Variants in PIK3CG observed in about 807,000 individuals in gnomAD.
PIK3CG encodes phosphatidylinositol-4,5-bisphosphate 3-kinase catalytic subunit gamma, also known as phosphatidylinositol 4,5-bisphosphate 3-kinase catalytic subunit gamma isoform.
PIK3CG carries 55 observed loss-of-function variants against 102.3 expected under a neutral mutation model. The observed-to-expected ratio is 0.54, with a 90% CI of 0.43 to 0.67. The LOEUF is 0.67. Among genes scored for constraint, PIK3CG ranks in the 30% least tolerant of loss-of-function variants. The probability of loss-of-function intolerance (pLI) is 0.00; values close to 1 mark genes in which losing one functional copy is unlikely to be tolerated. For synonymous variants in PIK3CG, 552 were observed against 540.0 expected (o/e 1.02, Z -0.31); for missense variants, 1,258 against 1,391.8 (o/e 0.90, Z 1.53).
At position 106,868,771 on chromosome 7, in the gene PIK3CG, T is replaced by G. The variant is rs1369636691; in HGVS notation, c.1210T>G (p.Phe404Val). Residue 404 changes from phenylalanine to valine, a missense_variant, in exon 2 of 11, where the codon TTC becomes GTC. This residue lies in a region of PIK3CG where 832 missense variants were observed against 787.5 expected (regional missense o/e 1.06). Coordinates refer to ENST00000496166, the MANE Select transcript of PIK3CG (RefSeq NM_001282426.2). The surrounding 1 kb of genome is among the most constrained non-coding windows in gnomAD (Gnocchi z 6.2). Reference protein sequence around the residue: ...LCQRRTSPKPFTEEVLWNVWL... With the variant: ...LCQRRTSPKPVTEEVLWNVWL... ...CCAAAGGAGAACCAGCCCCAAACCCTTCACAGAGGAGGTGCTGTGGAATGT... is the reference window on the plus strand; with the variant it reads ...CCAAAGGAGAACCAGCCCCAAACCCGTCACAGAGGAGGTGCTGTGGAATGT... 5 of 1,614,088 alleles carry G rather than the reference T, an allele frequency of 3.1e-6. No homozygotes were observed. The African/African-American group carries it at 6.7e-5, about 22-fold the overall frequency.
At position 106,877,537 on chromosome 7, in the gene PIK3CG, A is replaced by G. The variant is rs1470177675; in HGVS notation, c.2392-1982A>G. On this transcript the variant is annotated intron_variant, in intron 5 of 10. Transcript: ENST00000496166. This position sits in a 1 kb window ranked among gnomAD's most constrained non-coding sequence, Gnocchi z 4.5. ...ATCCAATTTGAGTTAATTTTTGTGT[A>G]CAGTGTGAGGTGAAGGTCAGAGTTC... Among the ~76,000 whole-genome samples the G allele has an allele frequency of 6.6e-6, 1 of 152,240 alleles. No individual in the cohort carries two copies. The highest frequency in any genetic ancestry group is 1.5e-5 in the Non-Finnish European group (1 of 68,038).
At chr7:106,886,007 C>A (rs965514641) in intron 9 of PIK3CG, 128 bp from the exon 10 acceptor site, 70 of 809,032 alleles carry the variant, frequency 8.7e-5, no homozygotes, top group Non-Finnish European at 1.1e-4. Flanking sequence ...AAAAATATCA[C>A]AAACTGACAA....
In PIK3CG at chr7:106,905,686, G is replaced by T. The variant is rs766305167; in HGVS notation, c.*299G>T. 5.7e-6 allele frequency: 2 copies of T among 351,626 alleles called. No individual in the cohort carries two copies. The highest frequency in any genetic ancestry group is 6.2e-5 in the South Asian group (1 of 16,016). 21.8% of individuals were successfully genotyped at this position (351,626 alleles called of 1,614,324 possible). On this transcript the variant is annotated 3_prime_UTR_variant, in exon 11 of 11. Coordinates refer to ENST00000496166, the MANE Select transcript of PIK3CG (RefSeq NM_001282426.2). The surrounding 1 kb of genome is among the most constrained non-coding windows in gnomAD (Gnocchi z 5.6). ...ACTTCCTTATTGTCCCTGATATTTTGACTATCTTACTATTGAGTGCTTCTG... is the reference window on the plus strand; with the variant it reads ...ACTTCCTTATTGTCCCTGATATTTTTACTATCTTACTATTGAGTGCTTCTG...
Position 106,879,122 on chromosome 7 carries a change from G to A in PIK3CG, c.2392-397G>A, listed in dbSNP as rs1438707477. On this transcript the variant is annotated intron_variant, in intron 5 of 10. Transcript: ENST00000496166. This position sits in a 1 kb window ranked among gnomAD's most constrained non-coding sequence, Gnocchi z 4.9. ...CAATAATAGTTTTTTTGACATTGTG[G>A]TAGCATTAGAATTCTTTTTTCAAAT... Among the ~76,000 whole-genome samples, 3 of 152,154 alleles carry A rather than the reference G, an allele frequency of 2.0e-5. No individual in the cohort carries two copies. The highest frequency in any genetic ancestry group is 2.9e-5 in the Non-Finnish European group (2 of 68,026).
chr7:106,904,200 T>C (rs1402091048), intron 10 of PIK3CG, among the ~76,000 whole-genome samples: 2 of 152,212 alleles, frequency 1.3e-5, no homozygotes, highest in Admixed American at 6.5e-5. Flanking sequence ...AAAATAGATG[T>C]TAATGCAGTA....
At position 106,872,070 on chromosome 7, in the gene PIK3CG, T is replaced by C. The variant is rs1194061288; in HGVS notation, c.1996-467T>C. 6.6e-6 allele frequency among the ~76,000 whole-genome samples: 1 copy of C among 152,208 alleles called. No homozygotes were observed. Among genetic ancestry groups the C allele is most frequent in the African/African-American group, 2.4e-5 (1 of 41,444 alleles). Reference sequence around the variant, plus strand: ...GCCGAAAAGGGAAGCTATAGGGCTTTTAGGATCTTTCCATCTAACAAATAT... The same window carrying C: ...GCCGAAAAGGGAAGCTATAGGGCTTCTAGGATCTTTCCATCTAACAAATAT... On this transcript the variant is annotated intron_variant, in intron 2 of 10. Coordinates refer to ENST00000496166, the MANE Select transcript of PIK3CG (RefSeq NM_001282426.2). This position sits in a 1 kb window ranked among gnomAD's most constrained non-coding sequence, Gnocchi z 5.3.
Position 106,879,535 on chromosome 7 carries a change from T to C in PIK3CG, c.2408T>C (p.Val803Ala). ...AGALAIEKCK[V>A]MASKKKPLWL... ...TCCTTACAGATTGAAAAATGTAAAG[T>C]AATGGCCTCCAAGAAAAAACCACTA... Residue 803 changes from valine (V) to alanine (A), a missense_variant, in exon 6 of 11, where the codon GTA becomes GCA. By Grantham distance (64) the Val-to-Ala change is moderately conservative. Transcript: ENST00000496166. The surrounding 1 kb of genome is among the most constrained non-coding windows in gnomAD (Gnocchi z 4.9). 1 of 1,613,594 alleles carries C rather than the reference T, an allele frequency of 6.2e-7. No individual in the cohort carries two copies. The highest frequency in any genetic ancestry group is 8.5e-7 in the Non-Finnish European group (1 of 1,179,580).
At chr7:106,887,865 A>G (rs1204132757) in intron 10 of PIK3CG, among the ~76,000 whole-genome samples, 1 of 151,322 alleles carries the variant, frequency 6.6e-6, no homozygotes, top group Non-Finnish European at 1.5e-5. Context: ...TCGGACAAAC[A>G]GAGCAGCAAT....
intron 6 of PIK3CG, among the ~76,000 whole-genome samples, chr7:106,881,133 A>G (rs1377324909): frequency 6.6e-6 from 1 of 152,144 alleles, no homozygotes; most frequent in Non-Finnish European, 1.5e-5. Context: ...AATGATCAAG[A>G]TTGTGAAAGA....
intron 10 of PIK3CG, among the ~76,000 whole-genome samples, chr7:106,898,592 C>G (rs1791465491): frequency 1.3e-5 from 2 of 152,198 alleles, no homozygotes; most frequent in South Asian, 4.1e-4. Context: ...CAATCTTCTG[C>G]ATATGGCTAG....
In PIK3CG at chr7:106,902,802, TTTAATA is replaced by T. The variant is rs1791595141; in HGVS notation, c.3031-2303_3031-2298del. 6.6e-6 allele frequency among the ~76,000 whole-genome samples: 1 copy of T among 152,124 alleles called. No individual in the cohort carries two copies. Among genetic ancestry groups the T allele is most frequent in the African/African-American group, 2.4e-5 (1 of 41,442 alleles). On this transcript the variant is annotated intron_variant, in intron 10 of 10. Transcript: ENST00000496166. The surrounding 1 kb of genome is among the most constrained non-coding windows in gnomAD (Gnocchi z 4.3). ...CATTTTCTTTTGTCATTAAGCCACT[TTTAATA>T]TTATGTATAGCTTTTTTTCTCTCAA...
At chr7:106,886,015 C>A in intron 9 of PIK3CG, 120 bp from the exon 10 acceptor site, 1 of 866,994 alleles carries the variant, frequency 1.2e-6, no homozygotes, top group Non-Finnish European at 1.8e-6. Flanking sequence ...CACAAACTGA[C>A]AAACATTGTA....
At chr7:106,901,005 G>A (rs971271570) in intron 10 of PIK3CG, among the ~76,000 whole-genome samples, 1 of 152,004 alleles carries the variant, frequency 6.6e-6, no homozygotes, top group Non-Finnish European at 1.5e-5. Context: ...CCTTCATTTC[G>A]ACCTTGGAAA....
At position 106,893,980 on chromosome 7, in the gene PIK3CG, G is replaced by A. The variant is rs189082897; in HGVS notation, c.3030+7688G>A. Among the ~76,000 whole-genome samples, 22 of 152,200 alleles carry A rather than the reference G, an allele frequency of 1.4e-4. No individual in the cohort carries two copies. Among genetic ancestry groups the A allele is most frequent in the Admixed American group, 3.9e-4 (6 of 15,274 alleles). On this transcript the variant is annotated intron_variant, in intron 10 of 10. Transcript: ENST00000496166. This position sits in a 1 kb window ranked among gnomAD's most constrained non-coding sequence, Gnocchi z 4.4. The stretch of plus-strand genomic sequence containing the variant: ...CTTGTGTATCTAAACACATCTGAAC[G>A]GAAAAGGAACAGTAAAAATATGGAA...
chr7:106,873,767 C>T (rs943611536), intron 4 of PIK3CG, among the ~76,000 whole-genome samples: 3 of 151,806 alleles, frequency 2.0e-5, no homozygotes, highest in Admixed American at 6.6e-5. Context: ...CACACACACA[C>T]CACCTTCTCT....
At chr7:106,876,269 T>A (rs149608211) in intron 5 of PIK3CG, among the ~76,000 whole-genome samples, 110 of 152,272 alleles carry the variant, frequency 7.2e-4, no homozygotes, top group African/African-American at 2.6e-3. Flanking sequence ...GGTATCTCAC[T>A]GTTGTTTTTA....
intron 5 of PIK3CG, among the ~76,000 whole-genome samples, chr7:106,875,771 T>TC (rs999236009): frequency 1.3e-5 from 2 of 152,182 alleles, no homozygotes; most frequent in African/African-American, 4.8e-5. Flanking sequence ...GGTAGTTGGG[T>TC]CAGATGGTGT....
rs1562805120 is a variant in PIK3CG at position 106,906,384 on chromosome 7, C to G, written c.*997C>G. ...CAAGTATCTTATTAAAGGAGGCATT[C>G]TAGAAAATATGAATTAGTTTCCAAA... On this transcript the variant is annotated 3_prime_UTR_variant, in exon 11 of 11. Transcript: ENST00000496166. The G allele has an allele frequency of 1.3e-5, 3 of 229,062 alleles. No individual in the cohort carries two copies. In the East Asian group the frequency reaches 1.9e-4, roughly 14 times the overall value. 14.2% of individuals were successfully genotyped at this position (229,062 alleles called of 1,614,324 possible).
In PIK3CG at chr7:106,874,524, TC is replaced by T. The variant is rs1170003680; in HGVS notation, c.2288-175del. ...TGTTGCTCACCTTAAGCCCAATGTA[TC>T]TTGCCACCTCATATGGTTAGCTCCT... On this transcript the variant is annotated intron_variant, in intron 4 of 10. Transcript: ENST00000496166. The surrounding 1 kb of genome is among the most constrained non-coding windows in gnomAD (Gnocchi z 4.3). Among the ~76,000 whole-genome samples the T allele has an allele frequency of 6.6e-6, 1 of 152,212 alleles. No homozygotes were observed. The highest frequency in any genetic ancestry group is 1.5e-5 in the Non-Finnish European group (1 of 68,042).
Sources: gnomAD v4.1 joint callset for allele counts (sites outside exome capture counted in the v4.1 genomes callset) on GRCh38, gnomAD v4.1.1 for gene constraint, gnomAD v4.1.1 regional missense constraint, Gnocchi (gnomAD v3.1) non-coding constraint, MANE v1.5 for transcripts, NCBI Gene and HGNC (gene_info 2026-07-23, HGNC 2026-07-21) for gene names.